LARGE1: variants seen among roughly 807,000 people sequenced by gnomAD.
LARGE1 encodes the protein xylosyl- and glucuronyltransferase LARGE1.
LARGE1 carries 43 observed loss-of-function variants against 87.6 expected under a neutral mutation model. The observed-to-expected ratio is 0.49, with a 90% CI of 0.38 to 0.63. LARGE1 has a LOEUF of 0.63. Among genes scored for constraint, LARGE1 ranks in the 30% least tolerant of loss-of-function variants. LARGE1 has a pLI of 0.00. For synonymous variants in LARGE1, 434 were observed against 394.6 expected (o/e 1.10, Z -1.18); for missense variants, 802 against 1,000.2 (o/e 0.80, Z 2.67).
chr22:33,478,877 C>T (rs2069190354), intron 6 of LARGE1, among the ~76,000 whole-genome samples: 1 of 152,166 alleles, frequency 6.6e-6, no homozygotes, highest in South Asian at 2.1e-4. Flanking sequence ...CTCCAGTGGA[C>T]AGATTTCCTA....
At chr22:33,610,645 G>T (rs556503112) in intron 4 of LARGE1, among the ~76,000 whole-genome samples, 1 of 152,280 alleles carries the variant, frequency 6.6e-6, no homozygotes, top group South Asian at 2.1e-4. Flanking sequence ...GTGGTGGTGG[G>T]TGGTGGGGGA....
chr22:33,137,758 C>T, the LARGE1 span, among the ~76,000 whole-genome samples: 1 of 152,188 alleles, frequency 6.6e-6, no homozygotes, highest in Non-Finnish European at 1.5e-5. Flanking sequence ...GGTGCAAGCC[C>T]CAAGCCTTGG....
rs2080759620 is a variant in LARGE1, at chr22:33,650,418, C to T, written c.357G>A (p.Val119=). 2 of 1,614,018 alleles carry T rather than the reference C, an allele frequency of 1.2e-6. No homozygotes were observed. The highest frequency in any genetic ancestry group is 1.1e-5 in the South Asian group (1 of 91,092). The change falls in exon 3 of 15, where the codon GTG becomes GTA. Residue 119 remains valine, a synonymous_variant. Transcript: ENST00000397394. ...GDSENLRAGI[V]AGNSSECGQQ... ...GCCCACACTCGGAGCTGTTGCCTGC[C>T]ACGATGCCAGCCCGAAGGTTCTCGC... is the stretch of plus-strand genomic sequence containing the variant.
intron 8 of LARGE1, among the ~76,000 whole-genome samples, chr22:33,383,647 G>A (rs1448737242): frequency 2.0e-5 from 3 of 152,174 alleles, no homozygotes; most frequent in Admixed American, 6.5e-5. Context: ...ATAGCAAGGT[G>A]GTTTTCTTGC....
At chr22:33,858,704 C>G (rs887664359) in intron 1 of LARGE1, among the ~76,000 whole-genome samples, 4 of 152,122 alleles carry the variant, frequency 2.6e-5, no homozygotes, top group Non-Finnish European at 5.9e-5. Flanking sequence ...GGTACATACC[C>G]AAAGGATTAT....
intron 12 of LARGE1, among the ~76,000 whole-genome samples, chr22:33,298,869 A>C (rs1171752691): frequency 1.3e-5 from 2 of 151,448 alleles, no homozygotes; most frequent in Non-Finnish European, 2.9e-5. Flanking sequence ...AAGAAAAGAA[A>C]AAAGAAAAGA....
chr22:33,589,075 A>T (rs2078761071), intron 5 of LARGE1, among the ~76,000 whole-genome samples: 1 of 152,228 alleles, frequency 6.6e-6, no homozygotes, highest in Non-Finnish European at 1.5e-5. Context: ...TTACACCTCC[A>T]GGCTTTCATA....
intron 1 of LARGE1, among the ~76,000 whole-genome samples, chr22:33,790,182 G>C (rs1180071434): frequency 6.6e-6 from 1 of 152,168 alleles, no homozygotes; most frequent in Non-Finnish European, 1.5e-5. Flanking sequence ...TTTTACAAAT[G>C]GGAGTTCCCC....
At chr22:33,862,776 C>T (rs1336215407) in intron 1 of LARGE1, among the ~76,000 whole-genome samples, 1 of 152,076 alleles carries the variant, frequency 6.6e-6, no homozygotes, top group African/African-American at 2.4e-5. Context: ...TTTCATTGAC[C>T]TAACAAATCT....
At chr22:33,386,557 C>T (rs1331043905) in intron 7 of LARGE1, among the ~76,000 whole-genome samples, 1 of 148,880 alleles carries the variant, frequency 6.7e-6, no homozygotes, top group Admixed American at 6.7e-5. Context: ...TAGCATTTGC[C>T]AATTGCCAAG....
intron 6 of LARGE1, among the ~76,000 whole-genome samples, chr22:33,531,474 A>G (rs996745142): frequency 2.0e-5 from 3 of 152,146 alleles, no homozygotes; most frequent in Non-Finnish European, 4.4e-5. Context: ...CTTTTGAATT[A>G]TATCAATTAT....
At chr22:33,465,778 T>G (rs1202497859) in intron 6 of LARGE1, among the ~76,000 whole-genome samples, 1 of 152,228 alleles carries the variant, frequency 6.6e-6, no homozygotes, top group African/African-American at 2.4e-5. Flanking sequence ...TGAGTGACAG[T>G]GACTCCATCC....
intron 2 of LARGE1, among the ~76,000 whole-genome samples, chr22:33,656,559 C>A (rs2080966361): frequency 6.6e-6 from 1 of 152,178 alleles, no homozygotes; most frequent in Non-Finnish European, 1.5e-5. Context: ...GCAGGCAGGG[C>A]ACATAAAGGC....
chr22:33,147,833 A>G, the LARGE1 span, among the ~76,000 whole-genome samples: 1 of 152,338 alleles, frequency 6.6e-6, no homozygotes, highest in Middle Eastern at 3.4e-3. Flanking sequence ...TAATTACCCC[A>G]GAGAAACATC....
exon 12 of LARGE1, chr22:33,164,519 T>G (rs1051959873): frequency 6.6e-6 from 1 of 151,570 alleles, no homozygotes; most frequent in Non-Finnish European, 1.5e-5. Context: ...TTTATTTTTA[T>G]GTATATTTTT....
intron 11 of LARGE1, chr22:33,305,711 G>A (rs573362083): frequency 8.9e-6 from 4 of 450,734 alleles, no homozygotes; most frequent in South Asian, 1.9e-4. Context: ...ATTCTGTTAA[G>A]TGGCACTGCC....
At chr22:33,779,838 G>T (rs1325978582) in intron 1 of LARGE1, among the ~76,000 whole-genome samples, 1 of 131,136 alleles carries the variant, frequency 7.6e-6, no homozygotes. Context: ...GTGGTAAGAG[G>T]GTACAGTCTA....
intron 5 of LARGE1, among the ~76,000 whole-genome samples, chr22:33,580,160 C>A (rs374622943): frequency 5.3e-5 from 8 of 151,946 alleles, no homozygotes; most frequent in African/African-American, 1.9e-4. Flanking sequence ...CACCTGAGCT[C>A]GGGAGTTTGA....
At chr22:33,771,728 T>C (rs2145819359) in intron 1 of LARGE1, among the ~76,000 whole-genome samples, 1 of 152,238 alleles carries the variant, frequency 6.6e-6, no homozygotes, top group East Asian at 1.9e-4. Context: ...TCTTCCTATA[T>C]ACCCACTGGA....
Sources: allele counts gnomAD v4.1 joint callset (sites outside exome capture counted in the v4.1 genomes callset), GRCh38; gene constraint gnomAD v4.1.1; transcripts MANE v1.5; gene names NCBI Gene and HGNC (gene_info 2026-07-23, HGNC 2026-07-21).